Variants in VOPP1 observed in about 807,000 individuals in gnomAD.
VOPP1 encodes the protein WW domain binding protein VOPP1.
Under a neutral mutation model 23.5 loss-of-function variants are expected in VOPP1, and 8 were observed. The ratio of observed to expected loss-of-function variants is 0.34; its 90% CI spans 0.20 to 0.61. The LOEUF is 0.61. Ranked by LOEUF, VOPP1 falls within the 20% of genes least tolerant of loss-of-function variation. The probability of loss-of-function intolerance (pLI) is 0.78; values close to 1 mark genes in which losing one functional copy is unlikely to be tolerated. For missense variants in VOPP1, 174 were observed against 238.1 expected (o/e 0.73, Z 1.77); for synonymous variants, 83 against 97.3 (o/e 0.85, Z 0.86).
intron 1 of VOPP1, among the ~76,000 whole-genome samples, chr7:55,570,488 T>C (rs551821522): frequency 6.6e-6 from 1 of 152,304 alleles, no homozygotes; most frequent in African/African-American, 2.4e-5. Context: ...AGAGGATACA[T>C]TCCTATGCAA....
At chr7:55,561,821 G>A (rs1399613415) in intron 1 of VOPP1, 1 of 626,104 alleles carries the variant, frequency 1.6e-6, no homozygotes, top group African/African-American at 1.8e-5. Flanking sequence ...TGCCTAGGGA[G>A]TAGCTTGCCC....
intron 1 of VOPP1, among the ~76,000 whole-genome samples, chr7:55,565,491 C>G (rs1438684734): frequency 1.3e-5 from 2 of 152,128 alleles, no homozygotes; most frequent in Non-Finnish European, 2.9e-5. Context: ...GGAGTATAAT[C>G]AAATCGGTCC....
chr7:55,441,573 G>A (rs1562877078), intron 4 of VOPP1, among the ~76,000 whole-genome samples: 1 of 152,034 alleles, frequency 6.6e-6, no homozygotes, highest in South Asian at 2.1e-4. Flanking sequence ...ACTTAGCATG[G>A]TACAAATGTT....
intron 2 of VOPP1, among the ~76,000 whole-genome samples, chr7:55,505,124 T>C (rs1460534429): frequency 1.3e-5 from 2 of 152,206 alleles, no homozygotes; most frequent in African/African-American, 4.8e-5. Flanking sequence ...TTTCTGTCAC[T>C]GACATGAAGG....
At chr7:55,518,218 A>G (rs1025100005) in intron 2 of VOPP1, among the ~76,000 whole-genome samples, 1 of 152,200 alleles carries the variant, frequency 6.6e-6, no homozygotes, top group Non-Finnish European at 1.5e-5. Flanking sequence ...GCTGGTAAAC[A>G]ACAGAGTGGA....
intron 1 of VOPP1, among the ~76,000 whole-genome samples, chr7:55,559,277 C>T (rs1405973511): frequency 6.6e-6 from 1 of 152,328 alleles, no homozygotes; most frequent in Middle Eastern, 3.4e-3. Flanking sequence ...TCTCTGAATA[C>T]ATCACTAGGT....
In VOPP1 at chr7:55,504,672, G is replaced by A. The variant is rs564289876; in HGVS notation, c.114-6982C>T. Among the ~76,000 whole-genome samples, 13 of 152,376 alleles carry A rather than the reference G, an allele frequency of 8.5e-5. No homozygotes were observed. In the East Asian group the frequency reaches 2.5e-3, roughly 29 times the overall value. On this transcript the variant is annotated intron_variant, in intron 2 of 4. Transcript: ENST00000285279. ...GCACTGTTCCTTGTGCAGAATCCAA[G>A]GCAGGCCCCACTAGGCTGATTCATG...
intron 2 of VOPP1, among the ~76,000 whole-genome samples, chr7:55,505,571 C>T (rs117552257): frequency 0.011 from 1,657 of 149,452 alleles, 11 homozygotes; most frequent in Middle Eastern, 0.02. Context: ...AAAATGGGCA[C>T]GTGCATTTTA....
intron 1 of VOPP1, among the ~76,000 whole-genome samples, chr7:55,539,920 C>T (rs894041941): frequency 6.6e-6 from 1 of 151,356 alleles, no homozygotes; most frequent in African/African-American, 2.4e-5. Context: ...CACACACACA[C>T]ACACACACAC....
chr7:55,544,677 C>A (rs117091232), intron 1 of VOPP1, among the ~76,000 whole-genome samples: 1,663 of 152,276 alleles, frequency 0.011, 11 homozygotes, highest in Middle Eastern at 0.02. Context: ...ACATTTAACT[C>A]TGGAGAGTGT....
At chr7:55,517,115 T>C (rs983155542) in intron 2 of VOPP1, among the ~76,000 whole-genome samples, 2 of 150,134 alleles carry the variant, frequency 1.3e-5, no homozygotes, top group South Asian at 2.1e-4. Context: ...AATATATATA[T>C]ATTTTTTTAT....
intron 1 of VOPP1, among the ~76,000 whole-genome samples, chr7:55,542,806 A>G (rs78740899): frequency 6.6e-6 from 1 of 151,564 alleles, no homozygotes; most frequent in African/African-American, 2.4e-5. Flanking sequence ...AAAAAAAAAA[A>G]TACAGAACAG....
intron 1 of VOPP1, among the ~76,000 whole-genome samples, chr7:55,566,453 TCAGGAGGCTGAGG>T (rs1400659140): frequency 1.6e-4 from 24 of 150,498 alleles, no homozygotes; most frequent in Non-Finnish European, 3.2e-4. Context: ...TCCCAGCTAC[TCAGGAGGCTGAGG>T]CAGGAGAATC....
chr7:55,561,629 G>A (rs547950502), intron 1 of VOPP1, among the ~76,000 whole-genome samples: 4 of 151,442 alleles, frequency 2.6e-5, no homozygotes, highest in South Asian at 4.2e-4. Flanking sequence ...AGGGGGAGGC[G>A]GAGGTTGCAG....
chr7:55,473,188 G>C, intron 4 of VOPP1, 143 bp from the exon 5 acceptor site: 1 of 1,313,446 alleles, frequency 7.6e-7, no homozygotes, highest in Non-Finnish European at 1.0e-6. Context: ...CCGGTGAGGG[G>C]GCACCTGGGC....
At position 55,453,669 on chromosome 7, in the gene VOPP1, A is replaced by G. The variant is rs1473844848; in HGVS notation, n.418-17495T>C. Among the ~76,000 whole-genome samples, 3 of 152,262 alleles carry G rather than the reference A, an allele frequency of 2.0e-5. 1 individual carries two copies. The highest frequency in any genetic ancestry group is 4.4e-5 in the Non-Finnish European group (3 of 68,048). ...ACTAACATCAAATATCACTGATCACAGATCACCATAACAGTTATTTATTAA... is the reference window on the plus strand; with the variant it reads ...ACTAACATCAAATATCACTGATCACGGATCACCATAACAGTTATTTATTAA... On this transcript the variant is annotated intron_variant and non_coding_transcript_variant, in intron 4 of 4. Transcript: ENST00000462326.
At chr7:55,476,694 C>T (rs887509290) in intron 4 of VOPP1, among the ~76,000 whole-genome samples, 2 of 152,178 alleles carry the variant, frequency 1.3e-5, no homozygotes, top group Admixed American at 6.5e-5. Flanking sequence ...TCCAGCCATG[C>T]CCTGGCTTCC....
intron 2 of VOPP1, among the ~76,000 whole-genome samples, chr7:55,519,394 T>C (rs1408677211): frequency 6.6e-6 from 1 of 152,118 alleles, no homozygotes; most frequent in Admixed American, 6.5e-5. Flanking sequence ...AGAACAGCAA[T>C]GACCTCTGAC....
chr7:55,513,607 T>TCATG (rs1438745775), intron 2 of VOPP1, among the ~76,000 whole-genome samples: 3 of 152,140 alleles, frequency 2.0e-5, no homozygotes, highest in Non-Finnish European at 4.4e-5. Context: ...TGTGACCTAG[T>TCATG]CATGCAAAAG....
Sources: gnomAD v4.1 joint callset for allele counts (sites outside exome capture counted in the v4.1 genomes callset) on GRCh38, gnomAD v4.1.1 for gene constraint, MANE v1.5 for transcripts, NCBI Gene and HGNC (gene_info 2026-07-23, HGNC 2026-07-21) for gene names.